The following UBR3 variants were observed in gnomAD, a reference collection of about 807,000 sequenced individuals.
UBR3 encodes the protein ubiquitin protein ligase E3 component n-recognin 3.
UBR3 carries 85 observed loss-of-function variants against 243.2 expected under a neutral mutation model. The observed-to-expected ratio is 0.35, with a 90% CI of 0.29 to 0.42. The LOEUF (loss-of-function observed/expected upper bound fraction) is 0.42. UBR3 is among the 10% of genes least tolerant of loss of function. The probability of loss-of-function intolerance (pLI) is 1.00; values close to 1 mark genes in which losing one functional copy is unlikely to be tolerated. For synonymous variants in UBR3, 748 were observed against 799.8 expected, an observed-to-expected ratio of 0.94 and a Z score of 1.09; for missense variants, 1,686 against 2,300.8, an observed-to-expected ratio of 0.73 and a Z score of 5.47.
At chr2:169,866,638 C>T (rs1282935594) in intron 1 of UBR3, among the ~76,000 whole-genome samples, 1 of 152,208 alleles carries the variant, frequency 6.6e-6, no homozygotes, top group Admixed American at 6.5e-5. Context: ...ACTGGGATTA[C>T]AGGTGTGAGC....
At chr2:170,039,175 CAGAG>C (rs1193050677) in intron 31 of UBR3, among the ~76,000 whole-genome samples, 1 of 152,020 alleles carries the variant, frequency 6.6e-6, no homozygotes, top group Non-Finnish European at 1.5e-5. Context: ...GTGGAGTAAT[CAGAG>C]AGATAGAAGG....
At chr2:170,011,228 AG>A in intron 29 of UBR3, among the ~76,000 whole-genome samples, 1 of 152,288 alleles carries the variant, frequency 6.6e-6, no homozygotes, top group Admixed American at 6.5e-5. Flanking sequence ...CATATATTGA[AG>A]GAAAAAAGTA....
At chr2:170,019,607 C>G (rs906544738) in intron 30 of UBR3, among the ~76,000 whole-genome samples, 1 of 151,970 alleles carries the variant, frequency 6.6e-6, no homozygotes. Context: ...ATCGCTTAAG[C>G]CCAGAAGGTG....
intron 1 of UBR3, among the ~76,000 whole-genome samples, chr2:169,830,530 A>G (rs1316954593): frequency 6.6e-6 from 1 of 152,230 alleles, no homozygotes; most frequent in Non-Finnish European, 1.5e-5. Flanking sequence ...TCAAGTTCAC[A>G]CAGGCAGTAA....
chr2:169,839,130 A>G (rs772130066), intron 1 of UBR3, among the ~76,000 whole-genome samples: 1 of 152,254 alleles, frequency 6.6e-6, no homozygotes, highest in African/African-American at 2.4e-5. Context: ...AATGCCCACC[A>G]ATGGAAGAAT....
intron 22 of UBR3, among the ~76,000 whole-genome samples, chr2:169,948,764 C>T (rs1455858031): frequency 6.6e-6 from 1 of 151,912 alleles, no homozygotes; most frequent in African/African-American, 2.4e-5. Context: ...ATTACAGCAT[C>T]CTTTCTATGC....
intron 10 of UBR3, among the ~76,000 whole-genome samples, chr2:169,912,494 A>G (rs2085292165): frequency 6.6e-6 from 1 of 152,132 alleles, no homozygotes; most frequent in African/African-American, 2.4e-5. Flanking sequence ...CTTTCACTCA[A>G]TGTAATGTTT....
At chr2:170,017,548 C>CACAG (rs2090280084) in intron 30 of UBR3, among the ~76,000 whole-genome samples, 2 of 23,744 alleles carry the variant, frequency 8.4e-5, no homozygotes, top group Non-Finnish European at 2.7e-4. Flanking sequence ...CACACACAGA[C>CACAG]ACACACACAC....
chr2:169,873,950 A>G (rs1021391940), intron 2 of UBR3, among the ~76,000 whole-genome samples: 1 of 152,178 alleles, frequency 6.6e-6, no homozygotes, highest in South Asian at 2.1e-4. Context: ...AGTACTTCAC[A>G]TGAAAGTGTC....
rs528987854 is a variant in UBR3, at chr2:169,888,603, T to G, written c.1039-2562T>G. Among the ~76,000 whole-genome samples, 4 of 152,342 alleles carry G rather than the reference T, an allele frequency of 2.6e-5. No homozygotes were observed. In the East Asian group the frequency reaches 7.7e-4, roughly 29 times the overall value. On this transcript the variant is annotated intron_variant, in intron 5 of 38. Coordinates refer to ENST00000272793, the MANE Select transcript of UBR3 (RefSeq NM_172070.4). ...ACTAACAGATTTTATTTGTGAATGT[T>G]ATCAATACTTAAATAATTTCATACT... is the stretch of plus-strand genomic sequence containing the variant.
intron 24 of UBR3, among the ~76,000 whole-genome samples, chr2:169,975,745 C>G (rs1476048159): frequency 2.6e-5 from 4 of 151,974 alleles, no homozygotes; most frequent in Admixed American, 2.0e-4. Context: ...GCTAGGAGTT[C>G]AAGACTGCAG....
intron 33 of UBR3, among the ~76,000 whole-genome samples, chr2:170,059,931 A>T (rs2091423684): frequency 1.3e-5 from 2 of 152,150 alleles, no homozygotes; most frequent in South Asian, 4.2e-4. Context: ...ATGCAGAGGG[A>T]TACGTGGGAA....
At chr2:169,997,134 T>G (rs1302925788) in intron 26 of UBR3, among the ~76,000 whole-genome samples, 2 of 130,792 alleles carry the variant, frequency 1.5e-5, no homozygotes, top group Non-Finnish European at 3.4e-5. Flanking sequence ...TAGACTTTAT[T>G]TAGACTTTAT....
chr2:169,949,030 A>AC (rs1365781873), intron 22 of UBR3, among the ~76,000 whole-genome samples: 1 of 151,998 alleles, frequency 6.6e-6, no homozygotes, highest in Non-Finnish European at 1.5e-5. Context: ...AACAAATTAA[A>AC]TTTCATATTA....
Position 169,927,326 on chromosome 2 carries a change from C to G in UBR3, c.2345C>G (p.Ser782Cys). ...CCGTTTTTAATAATTTTAGGAATGT[C>G]TGATGATGAGATTCTCAGGGCCGAG... ...LLSLRLHLGM[S>C]DDEILRAEMV... The change falls in exon 17 of 39, where the codon TCT (serine) becomes TGT (cysteine). Residue 782 changes from serine to cysteine, a missense_variant. This residue lies in a region of UBR3 where 346 missense variants were observed against 585.8 expected (regional missense o/e 0.59). Transcript: ENST00000272793. The G allele has an allele frequency of 1.3e-6, 2 of 1,549,624 alleles. No homozygotes were observed. Among genetic ancestry groups the G allele is most frequent in the Non-Finnish European group, 1.7e-6 (2 of 1,146,248 alleles).
intron 10 of UBR3, 31 bp from the exon 11 acceptor site, chr2:169,914,029 T>C: frequency 9.2e-7 from 1 of 1,083,170 alleles, no homozygotes; most frequent in Non-Finnish European, 1.2e-6. Context: ...TTATATATCA[T>C]AAATTTATTA....
chr2:170,013,938 A>C (rs752717733), intron 29 of UBR3: 8 of 469,232 alleles, frequency 1.7e-5, no homozygotes, highest in Admixed American at 4.7e-5. Flanking sequence ...CTTTCTGTCC[A>C]CTAGTATGAA....
At chr2:170,052,506 G>A (rs566275627) in intron 32 of UBR3, among the ~76,000 whole-genome samples, 3 of 152,252 alleles carry the variant, frequency 2.0e-5, no homozygotes, top group African/African-American at 4.8e-5. Flanking sequence ...ACACTGGGAC[G>A]TTATTTAGCC....
At chr2:170,026,691 G>C (rs1200899019) in intron 30 of UBR3, among the ~76,000 whole-genome samples, 1 of 151,984 alleles carries the variant, frequency 6.6e-6, no homozygotes, top group African/African-American at 2.4e-5. Flanking sequence ...CCAAACTTTA[G>C]AATTTTAAAA....
Sources: allele counts gnomAD v4.1 joint callset (sites outside exome capture counted in the v4.1 genomes callset), GRCh38; gene constraint gnomAD v4.1.1; regional missense constraint gnomAD v4.1.1; transcripts MANE v1.5; gene names NCBI Gene and HGNC (gene_info 2026-07-23, HGNC 2026-07-21).